Variants in SPTSSB observed in about 807,000 individuals in gnomAD.
The protein encoded by SPTSSB is androgen down regulated in mouse prostate.
A neutral mutation model predicts 7.7 loss-of-function variants in SPTSSB; 6 were observed. The ratio of observed to expected loss-of-function variants is 0.78; its 90% CI spans 0.43 to 1.54. The LOEUF (loss-of-function observed/expected upper bound fraction) is 1.54. Among genes scored for constraint, SPTSSB ranks in the 40% most tolerant of loss-of-function variants. SPTSSB has a pLI of 0.01. For missense variants in SPTSSB, 91 were observed against 93.0 expected (o/e 0.98, Z 0.09); for synonymous variants, 28 against 29.7 (o/e 0.94, Z 0.19).
chr3:161,346,553 A>C (rs77304545), intron 2 of SPTSSB, among the ~76,000 whole-genome samples, 198 bp from the exon 3 acceptor site: 4,607 of 152,212 alleles, frequency 0.03, 225 homozygotes, highest in African/African-American at 0.1. Context: ...ACTACTAATA[A>C]TCACTACTAA....
At chr3:161,349,159 C>T (rs1028535085) in intron 2 of SPTSSB, among the ~76,000 whole-genome samples, 2 of 152,074 alleles carry the variant, frequency 1.3e-5, no homozygotes, top group African/African-American at 4.8e-5. Context: ...AGACTTTATT[C>T]TCAAAGGCAT....
At chr3:161,349,557 G>C (rs1714423278) in intron 2 of SPTSSB, among the ~76,000 whole-genome samples, 1 of 152,146 alleles carries the variant, frequency 6.6e-6, no homozygotes, top group South Asian at 2.1e-4. Context: ...GATGACTTTC[G>C]ATATATGGAA....
At chr3:161,346,710 C>T (rs193083215) in intron 2 of SPTSSB, among the ~76,000 whole-genome samples, 33 of 152,182 alleles carry the variant, frequency 2.2e-4, no homozygotes, top group African/African-American at 8.0e-4. Context: ...AAAAGTGAAC[C>T]TAAGCACAGC....
At chr3:161,360,553 A>G (rs991188300) in intron 1 of SPTSSB, among the ~76,000 whole-genome samples, 2 of 152,168 alleles carry the variant, frequency 1.3e-5, no homozygotes, top group Non-Finnish European at 2.9e-5. Flanking sequence ...AATGTCTTGT[A>G]ATTTGTGAAG....
chr3:161,359,220 T>C (rs1714905571), intron 2 of SPTSSB: 1 of 152,242 alleles, frequency 6.6e-6, no homozygotes, highest in Non-Finnish European at 1.5e-5. Flanking sequence ...ATTGTTAATA[T>C]TTTTGGAAAA....
At chr3:161,359,775 T>C in intron 2 of SPTSSB, 27 bp downstream of exon 2, 1 of 985,382 alleles carries the variant, frequency 1.0e-6, no homozygotes, top group Non-Finnish European at 1.2e-6. Flanking sequence ...AAAGCAAGTC[T>C]CCGTGATATA....
chr3:161,360,585 G>T (rs1446562967), intron 1 of SPTSSB, among the ~76,000 whole-genome samples: 3 of 152,310 alleles, frequency 2.0e-5, no homozygotes, highest in Admixed American at 2.0e-4. Context: ...TGGTTAGTGT[G>T]TCTTCAGTAG....
At chr3:161,347,771 G>T (rs578082734) in intron 2 of SPTSSB, among the ~76,000 whole-genome samples, 1 of 152,118 alleles carries the variant, frequency 6.6e-6, no homozygotes, top group East Asian at 2.0e-4. Flanking sequence ...CGCTGGGGAG[G>T]CTGAGGCAGG....
chr3:161,363,634 T>C (rs1312276677), intron 1 of SPTSSB, among the ~76,000 whole-genome samples: 1 of 152,118 alleles, frequency 6.6e-6, no homozygotes, highest in Non-Finnish European at 1.5e-5. Context: ...AAAAACTTTG[T>C]ATATTGTTAA....
chr3:161,366,009 G>C (rs1168937528), intron 1 of SPTSSB, among the ~76,000 whole-genome samples: 2 of 152,124 alleles, frequency 1.3e-5, no homozygotes, highest in Non-Finnish European at 2.9e-5. Flanking sequence ...TGAAAGACTT[G>C]TTCTCTCTTT....
chr3:161,348,405 T>C (rs1215706971), intron 2 of SPTSSB, among the ~76,000 whole-genome samples: 3 of 152,224 alleles, frequency 2.0e-5, no homozygotes, highest in Non-Finnish European at 4.4e-5. Context: ...ACCTTAATGA[T>C]GGCCTTGAGA....
chr3:161,346,296 A>G lies in SPTSSB; in HGVS notation c.28T>C (p.Phe10Leu), dbSNP rs149603188. The G allele has an allele frequency of 8.1e-6, 13 of 1,613,506 alleles. No homozygotes were observed. The African/African-American group carries it at 1.7e-4, about 22-fold the overall frequency. ...TGGTATTGATAGTAGAGCCAGGAGA[A>G]ATATTCCTTCACACGCCTCAAATCC... MDLRRVKEYFSWLYYQYQII... is the reference protein window; with the variant it reads MDLRRVKEYLSWLYYQYQII... The change falls in exon 3 of 3, where the codon TTC becomes CTC. Residue 10 changes from phenylalanine (F) to leucine (L), a missense_variant. By Grantham distance (22) the Phe-to-Leu change is conservative. Coordinates refer to ENST00000620149, the MANE Select transcript of SPTSSB (RefSeq NM_001040100.2).
chr3:161,347,696 AC>A (rs1331091778), intron 2 of SPTSSB, among the ~76,000 whole-genome samples: 1 of 151,252 alleles, frequency 6.6e-6, no homozygotes, highest in East Asian at 2.0e-4. Context: ...ACATGGTGAA[AC>A]CCTGTCTGTA....
At chr3:161,369,385 C>CTTTTTTTTTT (rs71149710) in intron 1 of SPTSSB, among the ~76,000 whole-genome samples, 1 of 29,652 alleles carries the variant, frequency 3.4e-5, no homozygotes, top group Non-Finnish European at 5.9e-5. Context: ...TCTTTCTTTC[C>CTTTTTTTTTT]TTTTTTTTTT....
chr3:161,358,161 G>A (rs139383890), intron 2 of SPTSSB, among the ~76,000 whole-genome samples: 314 of 151,384 alleles, frequency 2.1e-3, no homozygotes, highest in African/African-American at 7.1e-3. Context: ...GAATATAGGC[G>A]TGCACCACTG....
chr3:161,369,277 C>T (rs1715358936), intron 1 of SPTSSB, among the ~76,000 whole-genome samples: 1 of 133,880 alleles, frequency 7.5e-6, no homozygotes, highest in African/African-American at 3.0e-5. Flanking sequence ...TCTTTTTCTT[C>T]TTTCTTTCTT....
intron 1 of SPTSSB, among the ~76,000 whole-genome samples, chr3:161,367,718 G>A (rs1391347402): frequency 1.3e-5 from 2 of 152,208 alleles, no homozygotes; most frequent in African/African-American, 4.8e-5. Context: ...AGACTTCAGT[G>A]GCTGCTCCAG....
Position 161,371,415 on chromosome 3 carries a change from G to C in SPTSSB, c.-126+20C>G. The C allele has an allele frequency of 3.0e-6, 3 of 985,234 alleles. No homozygotes were observed. The highest frequency in any genetic ancestry group is 3.6e-6 in the Non-Finnish European group (3 of 829,796). 61.0% of individuals were successfully genotyped at this position (985,234 alleles called of 1,614,324 possible). A position where few individuals can be genotyped will look rare whatever the true frequency, so the allele number is the denominator to read the frequency against. ...TAAAGCTACTTAACAGTTCAAGTAG[G>C]TATTTTGGAAGATGCTTACCTCCCA... On this transcript the variant is annotated intron_variant, in intron 1 of 2. Coordinates refer to ENST00000620149, the MANE Select transcript of SPTSSB (RefSeq NM_001040100.2).
At chr3:161,368,013 A>G (rs1269537609) in intron 1 of SPTSSB, among the ~76,000 whole-genome samples, 2 of 152,266 alleles carry the variant, frequency 1.3e-5, no homozygotes, top group African/African-American at 4.8e-5. Flanking sequence ...TTGTAGGACT[A>G]TACTAATGAC....
Sources: allele counts gnomAD v4.1 joint callset (sites outside exome capture counted in the v4.1 genomes callset), GRCh38; gene constraint gnomAD v4.1.1; transcripts MANE v1.5; gene names NCBI Gene and HGNC (gene_info 2026-07-23, HGNC 2026-07-21).